PARD3: variants seen among roughly 807,000 people sequenced by gnomAD.
PARD3 encodes par-3 family cell polarity regulator, also known as partitioning defective 3 homolog.
Under a neutral mutation model 155.4 loss-of-function variants are expected in PARD3, and 75 were observed. The ratio of observed to expected loss-of-function variants is 0.48; its 90% CI spans 0.40 to 0.58. The LOEUF (loss-of-function observed/expected upper bound fraction) is 0.58. PARD3 is among the 20% of genes least tolerant of loss of function. The probability of loss-of-function intolerance (pLI) is 0.00; values close to 1 mark genes in which losing one functional copy is unlikely to be tolerated. For missense variants in PARD3, 1,642 were observed against 1,721.7 expected, an observed-to-expected ratio of 0.95 and a Z score of 0.82; for synonymous variants, 576 against 610.5, an observed-to-expected ratio of 0.94 and a Z score of 0.83.
chr10:34,459,466 C>T (rs12761153), intron 4 of PARD3, among the ~76,000 whole-genome samples: 5 of 152,162 alleles, frequency 3.3e-5, no homozygotes, highest in South Asian at 2.1e-4. Flanking sequence ...CCACCACACC[C>T]GGCCCTCATT....
At chr10:34,137,794 T>G (rs887761622) in intron 22 of PARD3, among the ~76,000 whole-genome samples, 3 of 152,158 alleles carry the variant, frequency 2.0e-5, no homozygotes, top group Non-Finnish European at 4.4e-5. Flanking sequence ...CTGGCCTAGA[T>G]CAGCCAACCC....
intron 12 of PARD3, among the ~76,000 whole-genome samples, chr10:34,363,246 AT>A (rs1421119081): frequency 6.6e-6 from 1 of 152,202 alleles, no homozygotes; most frequent in Non-Finnish European, 1.5e-5. Context: ...ATGAAGAAAA[AT>A]TTTAATCAAG....
intron 5 of PARD3, among the ~76,000 whole-genome samples, chr10:34,409,228 T>C (rs1405586418): frequency 6.6e-6 from 1 of 152,194 alleles, no homozygotes; most frequent in Non-Finnish European, 1.5e-5. Flanking sequence ...TGCTGATTTA[T>C]GAAAGCTATC....
chr10:34,769,933 C>T (rs1838653758), intron 1 of PARD3, among the ~76,000 whole-genome samples: 1 of 152,034 alleles, frequency 6.6e-6, no homozygotes, highest in Non-Finnish European at 1.5e-5. Flanking sequence ...GACATTAATT[C>T]AGAATGTGGG....
In PARD3 at chr10:34,735,778, G is replaced by C. The variant is rs1046581489; in HGVS notation, c.121-39359C>G. 3.3e-5 allele frequency among the ~76,000 whole-genome samples: 5 copies of C among 152,268 alleles called. 1 individual carries two copies. Among genetic ancestry groups the C allele is most frequent in the African/African-American group, 1.2e-4 (5 of 41,558 alleles). On this transcript the variant is annotated intron_variant, in intron 1 of 24. Transcript: ENST00000374788. ...CTTTTAAAGTAAGTGGCGGATATCA[G>C]TACACTTTGCCTGTAATCATTTCAG...
At chr10:34,527,897 G>T (rs1488746559) in intron 2 of PARD3, among the ~76,000 whole-genome samples, 1 of 152,136 alleles carries the variant, frequency 6.6e-6, no homozygotes, top group Non-Finnish European at 1.5e-5. Flanking sequence ...TTCTACAAAG[G>T]AGAGATAACG....
chr10:34,621,978 T>C (rs2091707269), intron 2 of PARD3, among the ~76,000 whole-genome samples: 1 of 152,224 alleles, frequency 6.6e-6, no homozygotes, highest in African/African-American at 2.4e-5. Context: ...CTATCAATCA[T>C]TTATTTAATC....
At chr10:34,338,001 T>C (rs1242707660) in intron 16 of PARD3, among the ~76,000 whole-genome samples, 1 of 152,250 alleles carries the variant, frequency 6.6e-6, no homozygotes, top group East Asian at 1.9e-4. Flanking sequence ...TTAGAACCTA[T>C]TCTGATTAAG....
At chr10:34,128,554 G>T (rs191698242) in intron 23 of PARD3, among the ~76,000 whole-genome samples, 2 of 152,172 alleles carry the variant, frequency 1.3e-5, no homozygotes, top group Non-Finnish European at 2.9e-5. Flanking sequence ...CGGGAAGTCA[G>T]AAGTTGCATG....
chr10:34,331,033 A>T, intron 19 of PARD3, 84 bp downstream of exon 19: 1 of 970,958 alleles, frequency 1.0e-6, no homozygotes, highest in Non-Finnish European at 1.6e-6. Flanking sequence ...GAAGAATCTT[A>T]GAAAACTCCA....
chr10:34,301,670 T>C (rs954074377), intron 20 of PARD3, among the ~76,000 whole-genome samples: 2 of 152,096 alleles, frequency 1.3e-5, no homozygotes, highest in African/African-American at 4.8e-5. Context: ...TCCCTCCAGG[T>C]AGACATATCA....
intron 2 of PARD3, among the ~76,000 whole-genome samples, chr10:34,550,210 A>G (rs1476012386): frequency 6.6e-6 from 1 of 152,198 alleles, no homozygotes; most frequent in Non-Finnish European, 1.5e-5. Context: ...CAGGCGGGTC[A>G]CTGCCATGTG....
At position 34,384,152 on chromosome 10, in the gene PARD3, G is replaced by A; in HGVS notation, c.993C>T (p.Asp331=). The A allele has an allele frequency of 6.2e-7, 1 of 1,613,726 alleles. No homozygotes were observed. ...ACTGTTCAAATCTTCTATTTCGAAGGTCGCCATCATTAATCCTGACAATGC... is the reference window on the plus strand; with the variant it reads ...ACTGTTCAAATCTTCTATTTCGAAGATCGCCATCATTAATCCTGACAATGC... ...NDCIVRINDG[D]LRNRRFEQAQ... is the part of the protein sequence containing the mutation. Residue 331 remains aspartate, a synonymous_variant, in exon 8 of 25, where the codon GAC becomes GAT. Transcript: ENST00000374788.
At chr10:34,805,715 G>A (rs11009946) in intron 1 of PARD3, among the ~76,000 whole-genome samples, 50,001 of 151,378 alleles carry the variant, frequency 0.33, 8,791 homozygotes, top group African/African-American at 0.47. Context: ...GGTGGCTCAC[G>A]CCTGTAATCC....
intron 19 of PARD3, 107 bp from the exon 20 acceptor site, chr10:34,317,445 A>T: frequency 8.6e-7 from 1 of 1,169,312 alleles, no homozygotes; most frequent in Non-Finnish European, 1.2e-6. Flanking sequence ...TTACTGCAGT[A>T]TGGCCCTGCT....
chr10:34,209,709 G>T (rs1951647970), intron 22 of PARD3, among the ~76,000 whole-genome samples: 1 of 152,158 alleles, frequency 6.6e-6, no homozygotes, highest in African/African-American at 2.4e-5. Context: ...CTGTAATGTG[G>T]TTTTTTAAAA....
intron 3 of PARD3, among the ~76,000 whole-genome samples, chr10:34,472,674 T>C (rs1484172691): frequency 1.3e-5 from 2 of 152,198 alleles, no homozygotes; most frequent in Non-Finnish European, 2.9e-5. Context: ...CAAGAGGCAC[T>C]ATTAACTCAG....
intron 22 of PARD3, among the ~76,000 whole-genome samples, chr10:34,245,372 C>T (rs1953878075): frequency 6.6e-6 from 1 of 152,086 alleles, no homozygotes; most frequent in Non-Finnish European, 1.5e-5. Context: ...ATTGAGTCAG[C>T]AGTGCTTCCC....
intron 1 of PARD3, among the ~76,000 whole-genome samples, chr10:34,809,073 G>A (rs1328135490): frequency 2.6e-5 from 4 of 152,316 alleles, no homozygotes; most frequent in Middle Eastern, 3.4e-3. Context: ...CAGCTGATAC[G>A]AAAGAGTAAC....
Sources: gnomAD v4.1 joint callset for allele counts (sites outside exome capture counted in the v4.1 genomes callset) on GRCh38, gnomAD v4.1.1 for gene constraint, MANE v1.5 for transcripts, NCBI Gene and HGNC (gene_info 2026-07-23, HGNC 2026-07-21) for gene names.